The following WWOX variants were observed in gnomAD, a reference collection of about 807,000 sequenced individuals.
WWOX encodes the protein WW domain-containing oxidoreductase.
WWOX carries 69 observed loss-of-function variants against 46.2 expected under a neutral mutation model. The observed-to-expected ratio is 1.49, with a 90% CI of 1.23 to 1.82. The LOEUF is 1.82. Among genes scored for constraint, WWOX ranks in the 40% most tolerant of loss-of-function variants. The probability of loss-of-function intolerance (pLI) is 0.00; values close to 1 mark genes in which losing one functional copy is unlikely to be tolerated. For missense variants in WWOX, 919 were observed against 542.6 expected (o/e 1.69, Z -6.89); for synonymous variants, 359 against 202.6 (o/e 1.77, Z -6.56).
intron 8 of WWOX, among the ~76,000 whole-genome samples, chr16:78,859,453 T>C (rs896188160): frequency 6.6e-6 from 1 of 152,138 alleles, no homozygotes; most frequent in Non-Finnish European, 1.5e-5. Flanking sequence ...AAGGAAAAGC[T>C]TTTTTTACAG....
intron 8 of WWOX, among the ~76,000 whole-genome samples, chr16:78,625,889 T>C (rs762542025): frequency 6.6e-6 from 1 of 150,652 alleles, no homozygotes; most frequent in Non-Finnish European, 1.5e-5. Flanking sequence ...AGTAATGCAA[T>C]TACTTAAAAC....
At chr16:79,097,183 G>T (rs1316020452) in intron 8 of WWOX, among the ~76,000 whole-genome samples, 6 of 152,120 alleles carry the variant, frequency 3.9e-5, no homozygotes, top group African/African-American at 9.7e-5. Flanking sequence ...GATTCACAGA[G>T]AAGTCAGAAT....
intron 8 of WWOX, among the ~76,000 whole-genome samples, chr16:78,581,225 T>C (rs950963483): frequency 1.3e-5 from 2 of 152,316 alleles, no homozygotes; most frequent in African/African-American, 4.8e-5. Context: ...TTTGAACTAA[T>C]TGCTAAAATG....
At chr16:78,159,587 A>G (rs766954720) in intron 4 of WWOX, among the ~76,000 whole-genome samples, 1 of 150,806 alleles carries the variant, frequency 6.6e-6, no homozygotes, top group Non-Finnish European at 1.5e-5. Flanking sequence ...AGTGACAGTG[A>G]GCCCCTTTTC....
At chr16:78,705,650 G>T (rs537195386) in intron 8 of WWOX, among the ~76,000 whole-genome samples, 1 of 152,262 alleles carries the variant, frequency 6.6e-6, no homozygotes, top group East Asian at 1.9e-4. Context: ...GTAGCTGTAT[G>T]ATCACCCATG....
intron 8 of WWOX, among the ~76,000 whole-genome samples, chr16:78,709,047 C>T (rs1007860249): frequency 2.0e-5 from 3 of 152,210 alleles, no homozygotes; most frequent in Admixed American, 6.5e-5. Flanking sequence ...AATTGGCCCC[C>T]TGACCCCTTA....
intron 8 of WWOX, among the ~76,000 whole-genome samples, chr16:79,042,141 C>G (rs1437889041): frequency 6.6e-6 from 1 of 152,198 alleles, no homozygotes; most frequent in African/African-American, 2.4e-5. Flanking sequence ...CCGCCTGTCT[C>G]TGAAGTATTC....
At chr16:78,422,731 A>G (rs1438959473) in intron 6 of WWOX, among the ~76,000 whole-genome samples, 2 of 96,046 alleles carry the variant, frequency 2.1e-5, no homozygotes, top group Non-Finnish European at 3.5e-5. Flanking sequence ...ATATATATAT[A>G]CACACACATA....
intron 8 of WWOX, among the ~76,000 whole-genome samples, chr16:79,025,090 G>C (rs2047610896): frequency 6.6e-6 from 1 of 151,326 alleles, no homozygotes; most frequent in African/African-American, 2.4e-5. Flanking sequence ...CCACTCCCAA[G>C]AGCAGTGAAG....
chr16:78,915,462 T>C (rs1202559573), intron 8 of WWOX, among the ~76,000 whole-genome samples: 1 of 152,186 alleles, frequency 6.6e-6, no homozygotes, highest in African/African-American at 2.4e-5. Context: ...TTGTTAGTAA[T>C]GACTGTCCCT....
Position 78,999,524 on chromosome 16 carries a change from C to T in WWOX, c.1057-212084C>T, listed in dbSNP as rs530773961. On this transcript the variant is annotated intron_variant, in intron 8 of 8. Coordinates refer to ENST00000566780, the MANE Select transcript of WWOX (RefSeq NM_016373.4). ...TGCTCTTGATGGTACAGAAAATGAT[C>T]TGCATGGAGGAAATCTAGACATCAG... Among the ~76,000 whole-genome samples, 8 of 152,276 alleles carry T rather than the reference C, an allele frequency of 5.3e-5. No individual in the cohort carries two copies. The East Asian group carries it at 7.7e-4, about 15-fold the overall frequency.
At chr16:78,158,757 C>T (rs1158425956) in intron 4 of WWOX, among the ~76,000 whole-genome samples, 6 of 151,994 alleles carry the variant, frequency 3.9e-5, no homozygotes, top group Non-Finnish European at 2.9e-5. Flanking sequence ...TACAAAAAGC[C>T]TTACGTATTT....
In WWOX at chr16:78,602,022, A is replaced by G. The variant is rs146180112; in HGVS notation, c.1056+169270A>G. 2.3e-3 allele frequency among the ~76,000 whole-genome samples: 348 copies of G among 152,364 alleles called. 3 individuals are homozygous for G. The highest frequency in any genetic ancestry group is 8.0e-3 in the African/African-American group (332 of 41,586). Reference sequence around the variant, plus strand: ...CAAACAATGGTTTCGTATTAGGGATATAATGAAATATCTTATTAAAATGCA... The same window carrying G: ...CAAACAATGGTTTCGTATTAGGGATGTAATGAAATATCTTATTAAAATGCA... On this transcript the variant is annotated intron_variant, in intron 8 of 8. Coordinates refer to ENST00000566780, the MANE Select transcript of WWOX (RefSeq NM_016373.4).
chr16:78,659,595 G>T (rs960851332), intron 8 of WWOX, among the ~76,000 whole-genome samples: 1 of 152,088 alleles, frequency 6.6e-6, no homozygotes, highest in Non-Finnish European at 1.5e-5. Context: ...TGTTTCCAAA[G>T]TGCACTTGCT....
At chr16:78,924,609 C>G (rs189643467) in intron 8 of WWOX, among the ~76,000 whole-genome samples, 4 of 152,192 alleles carry the variant, frequency 2.6e-5, no homozygotes, top group Non-Finnish European at 5.9e-5. Context: ...AAACATATAT[C>G]AGAGTCCTTT....
chr16:78,218,081 T>C (rs2036780264), intron 5 of WWOX, among the ~76,000 whole-genome samples: 1 of 152,002 alleles, frequency 6.6e-6, no homozygotes, highest in Admixed American at 6.6e-5. Context: ...TAAGACAGGC[T>C]CTCACTCTTG....
intron 8 of WWOX, among the ~76,000 whole-genome samples, chr16:79,199,620 C>G (rs1436937112): frequency 6.6e-6 from 1 of 152,154 alleles, no homozygotes; most frequent in African/African-American, 2.4e-5. Flanking sequence ...CTAAAATTCT[C>G]CACCTTGCCA....
At chr16:79,124,836 G>A (rs1036885360) in intron 8 of WWOX, among the ~76,000 whole-genome samples, 3 of 152,184 alleles carry the variant, frequency 2.0e-5, no homozygotes, top group Non-Finnish European at 2.9e-5. Flanking sequence ...GTTCCCTAAA[G>A]GGGATGAGGA....
At chr16:78,822,146 G>C (rs932615083) in intron 8 of WWOX, among the ~76,000 whole-genome samples, 1 of 152,118 alleles carries the variant, frequency 6.6e-6, no homozygotes, top group Admixed American at 6.5e-5. Flanking sequence ...AAAGTGCTGG[G>C]ATTACAGGTG....
Sources: gnomAD v4.1 joint callset for allele counts (sites outside exome capture counted in the v4.1 genomes callset) on GRCh38, gnomAD v4.1.1 for gene constraint, MANE v1.5 for transcripts, NCBI Gene and HGNC (gene_info 2026-07-23, HGNC 2026-07-21) for gene names.